PCMTD1: variants seen among roughly 807,000 people sequenced by gnomAD.
PCMTD1 encodes protein-L-isoaspartate (D-aspartate) O-methyltransferase domain containing 1.
Under a neutral mutation model 37.6 loss-of-function variants are expected in PCMTD1, and 12 were observed. The observed-to-expected ratio is 0.32, with a 90% CI of 0.20 to 0.52. The LOEUF (loss-of-function observed/expected upper bound fraction) is 0.52. PCMTD1 is among the 20% of genes least tolerant of loss of function. PCMTD1 has a pLI of 0.97. For missense variants in PCMTD1, 235 were observed against 421.3 expected (o/e 0.56, Z 3.87); for synonymous variants, 117 against 135.8 (o/e 0.86, Z 0.96).
chr8:51,843,338 A>T (rs2038174306), intron 3 of PCMTD1, among the ~76,000 whole-genome samples: 1 of 152,116 alleles, frequency 6.6e-6, no homozygotes, highest in African/African-American at 2.4e-5. Flanking sequence ...TAGGATAATA[A>T]AATTTTCAGA....
intron 2 of PCMTD1, among the ~76,000 whole-genome samples, chr8:51,847,870 G>A (rs920367255): frequency 1.3e-5 from 2 of 151,948 alleles, no homozygotes; most frequent in Non-Finnish European, 2.9e-5. Flanking sequence ...TTGAGCCTAG[G>A]ACTTCGAGAC....
intron 1 of PCMTD1, among the ~76,000 whole-genome samples, chr8:51,877,986 T>C (rs2038736629): frequency 6.6e-6 from 1 of 152,178 alleles, no homozygotes; most frequent in Non-Finnish European, 1.5e-5. Flanking sequence ...ATAAAGCAAA[T>C]GCATCAAAAT....
chr8:51,866,793 C>T (rs2038561529), intron 1 of PCMTD1, among the ~76,000 whole-genome samples: 1 of 151,926 alleles, frequency 6.6e-6, no homozygotes, highest in African/African-American at 2.4e-5. Flanking sequence ...CTGTATCAAA[C>T]TAGAAAGCTT....
intron 1 of PCMTD1, among the ~76,000 whole-genome samples, chr8:51,873,969 G>C (rs11780040): frequency 0.18 from 26,756 of 149,742 alleles, 2,801 homozygotes; most frequent in Non-Finnish European, 0.23. Flanking sequence ...GTGGAGTGCA[G>C]TGGCGCAATC....
intron 1 of PCMTD1, among the ~76,000 whole-genome samples, chr8:51,870,579 A>G (rs1184314709): frequency 6.6e-6 from 1 of 152,190 alleles, no homozygotes; most frequent in Non-Finnish European, 1.5e-5. Flanking sequence ...CTATGTGCCT[A>G]CTATATACCT....
At position 51,818,665 on chromosome 8, in the gene PCMTD1, C is replaced by A. The variant is rs1337675166; in HGVS notation, c.*1686G>T. On this transcript the variant is annotated 3_prime_UTR_variant, in exon 6 of 6. Coordinates refer to ENST00000522514, the MANE Select transcript of PCMTD1 (RefSeq NM_052937.4). The stretch of plus-strand genomic sequence containing the variant: ...CTAAGAATAATTGTAGAAATAACCC[C>A]AATTCCACCATCCCAGCCACTGGTA... 6.6e-6 allele frequency: 1 copy of A among 152,334 alleles called. No homozygotes were observed. The highest frequency in any genetic ancestry group is 1.5e-5 in the Non-Finnish European group (1 of 68,080). 9.4% of individuals were successfully genotyped at this position (152,334 alleles called of 1,614,324 possible). A position where few individuals can be genotyped will look rare whatever the true frequency, so the allele number is the denominator to read the frequency against.
At chr8:51,868,786 C>G (rs983451560) in intron 1 of PCMTD1, among the ~76,000 whole-genome samples, 3 of 152,038 alleles carry the variant, frequency 2.0e-5, no homozygotes, top group Admixed American at 6.6e-5. Flanking sequence ...TATAAATTAC[C>G]TTTTTATTAT....
At chr8:51,868,220 T>A (rs979547899) in intron 1 of PCMTD1, among the ~76,000 whole-genome samples, 3 of 152,132 alleles carry the variant, frequency 2.0e-5, no homozygotes, top group African/African-American at 7.2e-5. Flanking sequence ...CAAAATACTA[T>A]AAACATAATT....
At chr8:51,840,659 A>C (rs778801224) in intron 3 of PCMTD1, among the ~76,000 whole-genome samples, 3 of 152,128 alleles carry the variant, frequency 2.0e-5, no homozygotes, top group Non-Finnish European at 4.4e-5. Flanking sequence ...GAAGCATCTA[A>C]TTTTCAAATG....
intron 3 of PCMTD1, among the ~76,000 whole-genome samples, chr8:51,836,985 A>G (rs1017613206): frequency 1.3e-4 from 20 of 152,228 alleles, no homozygotes; most frequent in South Asian, 4.1e-4. Context: ...CAGGCCAAAA[A>G]AGGAAAAACA....
intron 5 of PCMTD1, among the ~76,000 whole-genome samples, chr8:51,823,565 C>G (rs141765717): frequency 6.6e-6 from 1 of 152,318 alleles, no homozygotes; most frequent in Non-Finnish European, 1.5e-5. Context: ...TATTCCTTAA[C>G]GGTCTCATTT....
chr8:51,870,789 A>T (rs375485224), intron 1 of PCMTD1, among the ~76,000 whole-genome samples: 1 of 152,198 alleles, frequency 6.6e-6, no homozygotes, highest in Non-Finnish European at 1.5e-5. Flanking sequence ...AGCTGAAAAG[A>T]TGTTCAATTC....
chr8:51,823,901 C>T (rs1019760449), intron 5 of PCMTD1, among the ~76,000 whole-genome samples: 1 of 152,190 alleles, frequency 6.6e-6, no homozygotes, highest in Non-Finnish European at 1.5e-5. Context: ...ATATGCAAAT[C>T]AATAAACGTA....
At chr8:51,828,304 A>G (rs987863993) in intron 5 of PCMTD1, among the ~76,000 whole-genome samples, 6 of 152,228 alleles carry the variant, frequency 3.9e-5, no homozygotes, top group Non-Finnish European at 7.4e-5. Flanking sequence ...ATCATAAACT[A>G]TAATTCTAGT....
chr8:51,839,987 G>C (rs1204980445), intron 3 of PCMTD1, among the ~76,000 whole-genome samples: 1 of 152,156 alleles, frequency 6.6e-6, no homozygotes, highest in Non-Finnish European at 1.5e-5. Flanking sequence ...TTGATCTCCA[G>C]ATACACTGAT....
chr8:51,845,952 G>GA lies in PCMTD1; in HGVS notation c.308-190dup, dbSNP rs567393246. 1.5e-3 allele frequency among the ~76,000 whole-genome samples: 221 copies of GA among 148,244 alleles called. 4 individuals are homozygous for GA. The South Asian group carries it at 0.043, about 29-fold the overall frequency. On this transcript the variant is annotated intron_variant, in intron 2 of 5. Coordinates refer to ENST00000522514, the MANE Select transcript of PCMTD1 (RefSeq NM_052937.4). Reference sequence around the variant, plus strand: ...ACATTGCTTTAATGTAAAAAAAGGGGAAAAAAAAAAGTTCGCCTGAGTTTT... The same window carrying GA: ...ACATTGCTTTAATGTAAAAAAAGGGGAAAAAAAAAAAGTTCGCCTGAGTTTT...
intron 4 of PCMTD1, 84 bp from the exon 5 acceptor site, chr8:51,831,651 G>C: frequency 7.3e-7 from 1 of 1,374,540 alleles, no homozygotes; most frequent in South Asian, 1.6e-5. Context: ...TGTTTTAAGG[G>C]AACAACTGCC....
Position 51,897,825 on chromosome 8 carries a change from A to G in PCMTD1, c.-96+1105T>C, listed in dbSNP as rs78754159. ...CATAGTAATAATGTTTTTTAAAATAATGAGGTGTGTAATAAAATGGAGGAA... is the reference window on the plus strand; with the variant it reads ...CATAGTAATAATGTTTTTTAAAATAGTGAGGTGTGTAATAAAATGGAGGAA... On this transcript the variant is annotated intron_variant, in intron 1 of 5. Coordinates refer to ENST00000522514, the MANE Select transcript of PCMTD1 (RefSeq NM_052937.4). 2.8e-3 allele frequency among the ~76,000 whole-genome samples: 433 copies of G among 152,330 alleles called. 2 individuals are homozygous for G. Among genetic ancestry groups the G allele is most frequent in the African/African-American group, 0.01 (416 of 41,568 alleles).
intron 4 of PCMTD1, among the ~76,000 whole-genome samples, chr8:51,832,416 G>A (rs921342354): frequency 4.5e-4 from 69 of 152,222 alleles, no homozygotes; most frequent in African/African-American, 1.6e-3. Flanking sequence ...CACAGTACAT[G>A]GTGATAGTGA....
Sources: gnomAD v4.1 joint callset for allele counts (sites outside exome capture counted in the v4.1 genomes callset) on GRCh38, gnomAD v4.1.1 for gene constraint, MANE v1.5 for transcripts, NCBI Gene and HGNC (gene_info 2026-07-23, HGNC 2026-07-21) for gene names.